The following SLC5A7 variants were observed in gnomAD, a reference collection of about 807,000 sequenced individuals.
The protein encoded by SLC5A7 is high affinity choline transporter 1.
SLC5A7 carries 19 observed loss-of-function variants against 55.4 expected under a neutral mutation model. The ratio of observed to expected loss-of-function variants is 0.34; its 90% CI spans 0.24 to 0.50. The LOEUF (loss-of-function observed/expected upper bound fraction) is 0.50. Among genes scored for constraint, SLC5A7 ranks in the 20% least tolerant of loss-of-function variants. SLC5A7 has a pLI of 0.98. For synonymous variants in SLC5A7, 265 were observed against 263.7 expected, an observed-to-expected ratio of 1.00 and a Z score of -0.05; for missense variants, 506 against 705.3, an observed-to-expected ratio of 0.72 and a Z score of 3.20.
In SLC5A7 at chr2:108,001,939, G is replaced by A; in HGVS notation, c.640G>A (p.Asp214Asn). The change falls in exon 6 of 9, where the codon GAC becomes AAC. Residue 214 changes from aspartate (D) to asparagine (N), a missense_variant. By Grantham distance (23) the Asp-to-Asn change is conservative. Transcript: ENST00000264047. Reference protein sequence around the residue: ...PFALSHPAVADIGFTAVHAKY... With the variant: ...PFALSHPAVANIGFTAVHAKY... The stretch of plus-strand genomic sequence containing the variant: ...TGCATTGTCACATCCTGCAGTCGCA[G>A]ACATCGGGTTCACTGCTGTGCATGC... 1 of 1,614,170 alleles carries A rather than the reference G, an allele frequency of 6.2e-7. No homozygotes were observed. The highest frequency in any genetic ancestry group is 8.5e-7 in the Non-Finnish European group (1 of 1,180,026).
intron 1 of SLC5A7, among the ~76,000 whole-genome samples, chr2:107,987,744 C>T (rs1677301882): frequency 6.6e-6 from 1 of 152,086 alleles, no homozygotes; most frequent in East Asian, 1.9e-4. Context: ...TTCCAAAACG[C>T]AGATACAGCG....
Position 108,008,438 on chromosome 2 carries a change from A to C in SLC5A7, c.896-27A>C, listed in dbSNP as rs750772508. ...AAGAACATTTGGTTCCTTGGTGGTTATAATGGTTGTTGATTCTGTTCAACA... is the reference window on the plus strand; with the variant it reads ...AAGAACATTTGGTTCCTTGGTGGTTCTAATGGTTGTTGATTCTGTTCAACA... On this transcript the variant is annotated intron_variant, in intron 7 of 8. Coordinates refer to ENST00000264047, the MANE Select transcript of SLC5A7 (RefSeq NM_021815.5). The C allele has an allele frequency of 5.7e-6, 9 of 1,588,876 alleles. No homozygotes were observed. In the South Asian group the frequency reaches 1.0e-4, roughly 18 times the overall value.
chr2:107,994,605 C>T (rs1677594005), intron 4 of SLC5A7, among the ~76,000 whole-genome samples: 1 of 151,832 alleles, frequency 6.6e-6, no homozygotes, highest in Non-Finnish European at 1.5e-5. Context: ...AAAAAAGAAA[C>T]AACTAGGTGG....
intron 6 of SLC5A7, 77 bp downstream of exon 6, chr2:108,002,117 A>T (rs1361952809): frequency 1.3e-6 from 2 of 1,534,810 alleles, no homozygotes; most frequent in African/African-American, 2.8e-5. Context: ...TTTCATATTC[A>T]TAGTAAAAAA....
At chr2:107,990,006 A>T (rs934790253) in intron 2 of SLC5A7, among the ~76,000 whole-genome samples, 1 of 152,178 alleles carries the variant, frequency 6.6e-6, no homozygotes, top group Non-Finnish European at 1.5e-5. Flanking sequence ...AGAACTCAAA[A>T]TAACCTTGGT....
chr2:107,989,005 TCATCTC>T (rs1248427261), intron 2 of SLC5A7, among the ~76,000 whole-genome samples: 2 of 152,222 alleles, frequency 1.3e-5, no homozygotes, highest in Non-Finnish European at 2.9e-5. Flanking sequence ...CCATCTGCAG[TCATCTC>T]TCATTCAAAC....
chr2:108,010,194 A>T (rs769544975), intron 8 of SLC5A7, 38 bp from the exon 9 acceptor site: 5 of 1,592,416 alleles, frequency 3.1e-6, no homozygotes. Context: ...GAGCCAAGAC[A>T]CTGTGCAAAA....
In SLC5A7 at chr2:108,012,875, A is replaced by G. The variant is rs1450652681; in HGVS notation, c.*2014A>G. On this transcript the variant is annotated 3_prime_UTR_variant, in exon 9 of 9. Coordinates refer to ENST00000264047, the MANE Select transcript of SLC5A7 (RefSeq NM_021815.5). ...AAGTAATTAATTGCTGGAGACTACA[A>G]TTCCTGGCAAACACCATTATTCCAG... 6.6e-6 allele frequency: 1 copy of G among 152,130 alleles called. No individual in the cohort carries two copies. The highest frequency in any genetic ancestry group is 1.5e-5 in the Non-Finnish European group (1 of 68,010). 9.4% of individuals were successfully genotyped at this position (152,130 alleles called of 1,614,324 possible).
intron 5 of SLC5A7, among the ~76,000 whole-genome samples, chr2:108,001,295 G>C (rs1392282640): frequency 6.6e-6 from 1 of 152,078 alleles, no homozygotes; most frequent in Non-Finnish European, 1.5e-5. Context: ...TAGATTGACA[G>C]ATATTTCAAA....
intron 2 of SLC5A7, among the ~76,000 whole-genome samples, chr2:107,990,948 C>G (rs376641547): frequency 3.9e-5 from 6 of 152,198 alleles, no homozygotes; most frequent in African/African-American, 9.6e-5. Flanking sequence ...TTTTTATTAC[C>G]AACCTGTGAC....
rs1036572267 is a variant in SLC5A7, at chr2:108,011,459, AAG to A, written c.*600_*601del. 6.6e-6 allele frequency: 1 copy of A among 152,180 alleles called. No individual in the cohort carries two copies. Among genetic ancestry groups the A allele is most frequent in the Non-Finnish European group, 1.5e-5 (1 of 68,030 alleles). The allele number at this position is 152,180 out of a possible 1,614,324, so 9.4% of individuals were successfully genotyped here. On this transcript the variant is annotated 3_prime_UTR_variant, in exon 9 of 9. Transcript: ENST00000264047. Reference sequence around the variant, plus strand: ...GAGCACGGGCAAAGAAAACACACAAAAGATTATGTATTGGCATTTATTTATGT... The same window carrying A: ...GAGCACGGGCAAAGAAAACACACAAAATTATGTATTGGCATTTATTTATGT...
At chr2:108,000,929 T>G (rs1246429655) in intron 5 of SLC5A7, among the ~76,000 whole-genome samples, 1 of 145,030 alleles carries the variant, frequency 6.9e-6, no homozygotes, top group Non-Finnish European at 1.5e-5. Flanking sequence ...ACAATTCTTT[T>G]TTTTTTTTTT....
intron 6 of SLC5A7, among the ~76,000 whole-genome samples, chr2:108,005,787 G>C (rs1678088007): frequency 6.6e-6 from 1 of 152,042 alleles, no homozygotes; most frequent in Non-Finnish European, 1.5e-5. Flanking sequence ...CCACCCTCAT[G>C]GGCTAATCAT....
intron 6 of SLC5A7, 106 bp from the exon 7 acceptor site, chr2:108,005,943 T>C (rs1445864192): frequency 9.4e-6 from 13 of 1,378,222 alleles, no homozygotes; most frequent in Non-Finnish European, 1.3e-5. Context: ...ACATTTTTTT[T>C]ACTACTTCTA....
rs181681884 is a variant in SLC5A7, at chr2:107,988,191, C to T, written c.36C>T (p.Ile12=). 29 of 1,614,042 alleles carry T rather than the reference C, an allele frequency of 1.8e-5. No individual in the cohort carries two copies. Among genetic ancestry groups the T allele is most frequent in the Non-Finnish European group, 2.5e-5 (29 of 1,179,926 alleles). ...AFHVEGLIAI[I]VFYLLILLVG... The stretch of plus-strand genomic sequence containing the variant: ...ATGTGGAAGGACTGATAGCTATCAT[C>T]GTGTTCTACCTTCTAATTTTGCTGG... The change falls in exon 2 of 9, where the codon ATC becomes ATT. Residue 12 remains isoleucine, a synonymous_variant. Coordinates refer to ENST00000264047, the MANE Select transcript of SLC5A7 (RefSeq NM_021815.5).
chr2:107,994,092 C>A (rs1464162394), intron 4 of SLC5A7, among the ~76,000 whole-genome samples: 1 of 152,144 alleles, frequency 6.6e-6, no homozygotes, highest in Non-Finnish European at 1.5e-5. Context: ...CACATGGGAC[C>A]AGTTGAGACT....
chr2:107,998,199 G>C (rs1188215452), intron 5 of SLC5A7, among the ~76,000 whole-genome samples: 1 of 152,120 alleles, frequency 6.6e-6, no homozygotes, highest in African/African-American at 2.4e-5. Flanking sequence ...CTCTCCATTG[G>C]ACTGTTAGAA....
rs2104383744 is a variant in SLC5A7 at position 108,010,607 on chromosome 2, C to T, written c.1489C>T (p.Leu497=). Reference sequence around the variant, plus strand: ...CTTAACCAACATTTGCATCTCCTATCTAGCCAAGTATCTATTTGAAAGTGG... The same window carrying T: ...CTTAACCAACATTTGCATCTCCTATTTAGCCAAGTATCTATTTGAAAGTGG... ...SFLTNICISY[L]AKYLFESGTL... Residue 497 remains leucine (L), a synonymous_variant, in exon 9 of 9, where the codon CTA becomes TTA. Coordinates refer to ENST00000264047, the MANE Select transcript of SLC5A7 (RefSeq NM_021815.5). The T allele has an allele frequency of 1.2e-6, 2 of 1,614,012 alleles. No homozygotes were observed. Among genetic ancestry groups the T allele is most frequent in the East Asian group, 4.5e-5 (2 of 44,884 alleles).
chr2:108,000,810 G>A (rs1003492171), intron 5 of SLC5A7, among the ~76,000 whole-genome samples: 5 of 151,920 alleles, frequency 3.3e-5, no homozygotes, highest in African/African-American at 1.2e-4. Context: ...GCCCAGTCTG[G>A]TCTAGAACTC....
Sources: allele counts gnomAD v4.1 joint callset (sites outside exome capture counted in the v4.1 genomes callset), GRCh38; gene constraint gnomAD v4.1.1; transcripts MANE v1.5; gene names NCBI Gene and HGNC (gene_info 2026-07-23, HGNC 2026-07-21).